PSTPIP1: variants seen among roughly 807,000 people sequenced by gnomAD.
PSTPIP1 encodes proline-serine-threonine phosphatase interacting protein 1.
PSTPIP1 carries 66 observed loss-of-function variants against 69.6 expected under a neutral mutation model. The observed-to-expected ratio is 0.95, with a 90% confidence interval of 0.78 to 1.16. PSTPIP1 has a LOEUF of 1.16. Among genes scored for constraint, PSTPIP1 ranks in the 50% most tolerant of loss-of-function variants. The probability of loss-of-function intolerance (pLI) is 0.00; values close to 1 mark genes in which losing one functional copy is unlikely to be tolerated. For synonymous variants in PSTPIP1, 266 were observed against 222.7 expected (o/e 1.19, Z -1.73); for missense variants, 603 against 557.4 (o/e 1.08, Z -0.82).
At chr15:77,006,581 C>T (rs552843898) in intron 1 of PSTPIP1, among the ~76,000 whole-genome samples, 2 of 152,272 alleles carry the variant, frequency 1.3e-5, no homozygotes, top group Admixed American at 6.5e-5. Context: ...AGCTTTAGGT[C>T]TTACATCTAG....
At chr15:77,002,590 C>T (rs557388010) in intron 1 of PSTPIP1, among the ~76,000 whole-genome samples, 10 of 152,304 alleles carry the variant, frequency 6.6e-5, no homozygotes, top group African/African-American at 1.7e-4. Flanking sequence ...CCAAGAACTT[C>T]GTTCATCTGT....
At chr15:77,010,586 T>A (rs1389261746) in intron 1 of PSTPIP1, among the ~76,000 whole-genome samples, 1 of 152,144 alleles carries the variant, frequency 6.6e-6, no homozygotes, top group Non-Finnish European at 1.5e-5. Context: ...GGGGCGTGTC[T>A]CCATCTACCT....
At chr15:77,021,281 C>T (rs2076155801) in intron 3 of PSTPIP1, among the ~76,000 whole-genome samples, 1 of 152,174 alleles carries the variant, frequency 6.6e-6, no homozygotes, top group Non-Finnish European at 1.5e-5. Context: ...TTGACATGTA[C>T]CTCCTTCACA....
chr15:77,012,021 C>G (rs2075944829), intron 1 of PSTPIP1, among the ~76,000 whole-genome samples: 1 of 152,122 alleles, frequency 6.6e-6, no homozygotes, highest in African/African-American at 2.4e-5. Flanking sequence ...GCCATTCCCT[C>G]ACAGCTTTGG....
upstream of PSTPIP1, chr15:76,994,880 G>A (rs1242827586): frequency 4.7e-5 from 61 of 1,288,314 alleles, no homozygotes; most frequent in Non-Finnish European, 5.4e-5. Flanking sequence ...GGCCCAGCCT[G>A]GAAGGGTGCT....
chr15:77,027,968 C>CA lies in PSTPIP1; in HGVS notation c.417+55dup, dbSNP rs2076322713. 1 of 1,455,398 alleles carries CA rather than the reference C, an allele frequency of 6.9e-7. No individual in the cohort carries two copies. Among genetic ancestry groups the CA allele is most frequent in the Admixed American group, 2.0e-5 (1 of 50,830 alleles). The allele number at this position is 1,455,398 out of a possible 1,614,324, so 90.2% of individuals were successfully genotyped here. A position where few individuals can be genotyped will look rare whatever the true frequency, so the allele number is the denominator to read the frequency against. ...TTCCCTCGAGGAGCAGCGCAGGTCT[C>CA]AGGGTGCGATCCTGGGCTGTGGCCC... On this transcript the variant is annotated intron_variant, in intron 6 of 14. Transcript: ENST00000558012. This position sits in a 1 kb window ranked among gnomAD's most constrained non-coding sequence, Gnocchi z 4.3.
At chr15:77,017,531 G>T (rs932517781) in intron 1 of PSTPIP1, among the ~76,000 whole-genome samples, 1 of 150,662 alleles carries the variant, frequency 6.6e-6, no homozygotes, top group Non-Finnish European at 1.5e-5. Context: ...ATCTCCGTGA[G>T]GGGGGGTTTC....
intron 8 of PSTPIP1, among the ~76,000 whole-genome samples, chr15:77,030,065 C>T (rs1473947570): frequency 6.6e-6 from 1 of 152,118 alleles, no homozygotes; most frequent in Non-Finnish European, 1.5e-5. Flanking sequence ...TCTGCTCTGC[C>T]TTTACTGGGA....
At chr15:77,032,747 T>C (rs540938380) in intron 11 of PSTPIP1, 115 bp from the exon 12 acceptor site, 1 of 867,720 alleles carries the variant, frequency 1.2e-6, no homozygotes, top group Non-Finnish European at 1.8e-6. Flanking sequence ...AGGCACCTCC[T>C]CAGGCACCAG....
At chr15:77,033,707 G>A (rs1013434508) in intron 12 of PSTPIP1, among the ~76,000 whole-genome samples, 1 of 152,124 alleles carries the variant, frequency 6.6e-6, no homozygotes, top group Non-Finnish European at 1.5e-5. Context: ...GGGAGAGGCT[G>A]ATGCAGTTCC....
At chr15:77,026,079 T>C (rs1201325249) in intron 5 of PSTPIP1, 1 of 456,608 alleles carries the variant, frequency 2.2e-6, no homozygotes, top group Non-Finnish European at 4.4e-6. Flanking sequence ...TGTATGGCAT[T>C]GCTTAGCATC....
intron 1 of PSTPIP1, chr15:77,008,033 T>C (rs1453399808): frequency 4.4e-6 from 2 of 456,382 alleles, no homozygotes; most frequent in Non-Finnish European, 8.8e-6. Context: ...CTACAGGTGG[T>C]AGGAAGACCC....
At chr15:77,012,155 ATC>A (rs2075952719) in intron 1 of PSTPIP1, among the ~76,000 whole-genome samples, 2 of 47,620 alleles carry the variant, frequency 4.2e-5, no homozygotes. Flanking sequence ...CCATCCATCC[ATC>A]CACCCACCCA....
At chr15:77,008,547 T>A (rs1370847292) in intron 1 of PSTPIP1, among the ~76,000 whole-genome samples, 1 of 152,066 alleles carries the variant, frequency 6.6e-6, no homozygotes, top group Non-Finnish European at 1.5e-5. Flanking sequence ...GTAGCTGGGA[T>A]TACAGGTGCC....
chr15:77,016,143 C>T (rs1323117952), intron 1 of PSTPIP1: 7 of 440,638 alleles, frequency 1.6e-5, no homozygotes, highest in East Asian at 7.1e-5. Flanking sequence ...CCTGAGAGTC[C>T]GGATTCTTGT....
At position 77,030,562 on chromosome 15, in the gene PSTPIP1, A is replaced by T; in HGVS notation, c.623A>T (p.Glu208Val). Residue 208 changes from glutamate to valine, a missense_variant, in exon 9 of 15, where the codon GAG (glutamate) becomes GTG (valine). Physicochemically the swap from Glu to Val is moderately radical, Grantham distance 121. Transcript: ENST00000558012. ...LEKVRAEWEQ[E>V]HRTTCEAFQL... ...AAGGTCCGGGCTGAGTGGGAGCAGG[A>T]GCACCGGACCACCTGTGAGGTGAGT... The T allele has an allele frequency of 6.2e-7, 1 of 1,609,204 alleles. No individual in the cohort carries two copies. Among genetic ancestry groups the T allele is most frequent in the Non-Finnish European group, 8.5e-7 (1 of 1,176,812 alleles).
rs201638707 is a variant in PSTPIP1, at chr15:77,030,601, C to G, written c.642+20C>G. ...TGTGAGGTGAGTGGCCCACGTGGAG[C>G]CTCGTTTTCCCCAGCTGGGAAGTGT... On this transcript the variant is annotated intron_variant, in intron 9 of 14. Transcript: ENST00000558012. 1 of 1,579,158 alleles carries G rather than the reference C, an allele frequency of 6.3e-7. No individual in the cohort carries two copies. The highest frequency in any genetic ancestry group is 2.3e-5 in the East Asian group (1 of 43,812).
At position 77,025,431 on chromosome 15, in the gene PSTPIP1, T is replaced by C. The variant is rs575161638; in HGVS notation, c.248-67T>C. 17 of 1,582,320 alleles carry C rather than the reference T, an allele frequency of 1.1e-5. No homozygotes were observed. In the South Asian group the frequency reaches 1.6e-4, roughly 15 times the overall value. ...CTGGGGCTGGGCTGGCCCACACGGG[T>C]GAGTTGTGGGTGGCTGAGGCCCATC... On this transcript the variant is annotated intron_variant, in intron 4 of 14. Transcript: ENST00000558012.
chr15:77,030,364 C>A, intron 8 of PSTPIP1, 138 bp from the exon 9 acceptor site: 1 of 847,314 alleles, frequency 1.2e-6, no homozygotes, highest in Non-Finnish European at 1.9e-6. Context: ...TCAGATGAGG[C>A]CCCGCCATCT....
Sources: gnomAD v4.1 joint callset for allele counts (sites outside exome capture counted in the v4.1 genomes callset) on GRCh38, gnomAD v4.1.1 for gene constraint, Gnocchi (gnomAD v3.1) non-coding constraint, MANE v1.5 for transcripts, NCBI Gene and HGNC (gene_info 2026-07-23, HGNC 2026-07-21) for gene names.